The following MMP16 variants were observed in gnomAD, a reference collection of about 807,000 sequenced individuals.
MMP16 encodes matrix metallopeptidase 16.
In MMP16, 12 loss-of-function variants were observed where a neutral mutation model predicts 67.8. The ratio of observed to expected loss-of-function variants is 0.18; its 90% confidence interval spans 0.11 to 0.29. The LOEUF is 0.29. MMP16 is among the 10% of genes least tolerant of loss of function. MMP16 has a pLI of 1.00. For synonymous variants in MMP16, 249 were observed against 255.9 expected (o/e 0.97, Z 0.26); for missense variants, 475 against 765.7 (o/e 0.62, Z 4.48).
intron 6 of MMP16, among the ~76,000 whole-genome samples, chr8:88,081,551 AC>A (rs1808751575): frequency 6.6e-6 from 1 of 152,050 alleles, no homozygotes; most frequent in Non-Finnish European, 1.5e-5. Context: ...GAAGTTCCAT[AC>A]CAGCCTGGGC....
At chr8:88,186,960 T>C (rs1442314498) in intron 2 of MMP16, among the ~76,000 whole-genome samples, 1 of 152,192 alleles carries the variant, frequency 6.6e-6, no homozygotes, top group Non-Finnish European at 1.5e-5. Context: ...GTGCTACTCA[T>C]AAAATGCCAC....
At chr8:88,202,566 C>T (rs1809360092) in intron 1 of MMP16, among the ~76,000 whole-genome samples, 1 of 152,042 alleles carries the variant, frequency 6.6e-6, no homozygotes, top group African/African-American at 2.4e-5. Flanking sequence ...GCCATCTGCT[C>T]AGATTTTACT....
intron 1 of MMP16, among the ~76,000 whole-genome samples, chr8:88,241,187 C>T (rs1190391957): frequency 6.6e-6 from 1 of 151,986 alleles, no homozygotes; most frequent in Non-Finnish European, 1.5e-5. Context: ...CTTCTGTTGC[C>T]TCCAACATGC....
At chr8:88,319,462 C>T (rs907479006) in intron 1 of MMP16, among the ~76,000 whole-genome samples, 2 of 151,434 alleles carry the variant, frequency 1.3e-5, no homozygotes, top group Non-Finnish European at 2.9e-5. Context: ...GCAAGTAGAG[C>T]GTGAGAAAAG....
chr8:88,135,888 G>A (rs1808110892), intron 4 of MMP16, among the ~76,000 whole-genome samples: 2 of 151,608 alleles, frequency 1.3e-5, no homozygotes, highest in Admixed American at 6.6e-5. Flanking sequence ...TGGAACTCTC[G>A]AAGAAAAACC....
intron 8 of MMP16, among the ~76,000 whole-genome samples, chr8:88,047,176 C>T (rs1390262742): frequency 6.6e-6 from 1 of 152,144 alleles, no homozygotes; most frequent in East Asian, 1.9e-4. Flanking sequence ...TTTTAAAAAA[C>T]CTTTCTTAGG....
intron 1 of MMP16, among the ~76,000 whole-genome samples, chr8:88,315,495 A>T (rs1811363039): frequency 6.6e-6 from 1 of 152,232 alleles, no homozygotes; most frequent in African/African-American, 2.4e-5. Context: ...ATTTAAAAAT[A>T]CAGATTCCCA....
Position 88,197,292 on chromosome 8 carries a change from C to A in MMP16, c.147G>T (p.Lys49Asn). The change falls in exon 2 of 10, where the codon AAG becomes AAT. Residue 49 changes from lysine (K) to asparagine (N), a missense_variant. Coordinates refer to ENST00000286614, the MANE Select transcript of MMP16 (RefSeq NM_005941.5). ...GGTCAGTCGGTGGAAGGTAGCCGTA[C>A]TTTTGTAACCAAACCTGCAATAACA... is the stretch of plus-strand genomic sequence containing the variant. ...QYFNVEVWLQ[K>N]YGYLPPTDPR... The A allele has an allele frequency of 6.4e-7, 1 of 1,561,106 alleles. No individual in the cohort carries two copies. Among genetic ancestry groups the A allele is most frequent in the Non-Finnish European group, 8.6e-7 (1 of 1,156,578 alleles).
In MMP16 at chr8:88,239,344, T is replaced by C. The variant is rs1379573479; in HGVS notation, c.133-42038A>G. On this transcript the variant is annotated intron_variant, in intron 1 of 9. Coordinates refer to ENST00000286614, the MANE Select transcript of MMP16 (RefSeq NM_005941.5). The stretch of plus-strand genomic sequence containing the variant: ...ATTTCAAAATCAATTAAAACAGTGT[T>C]TTCACTTTTAAAAAACAGGTTAGTA... Among the ~76,000 whole-genome samples, 6 of 151,026 alleles carry C rather than the reference T, an allele frequency of 4.0e-5. 1 individual carries two copies. Among genetic ancestry groups the C allele is most frequent in the Admixed American group, 3.3e-4 (5 of 15,170 alleles).
intron 1 of MMP16, among the ~76,000 whole-genome samples, chr8:88,221,915 A>T (rs1563566450): frequency 6.6e-6 from 1 of 152,062 alleles, no homozygotes; most frequent in Non-Finnish European, 1.5e-5. Flanking sequence ...CAGTTCATGA[A>T]TTGTCTTCCA....
At chr8:88,057,955 GA>G (rs1482962268) in intron 7 of MMP16, among the ~76,000 whole-genome samples, 1 of 151,962 alleles carries the variant, frequency 6.6e-6, no homozygotes, top group African/African-American at 2.4e-5. Flanking sequence ...AAAAACTACT[GA>G]AGGCTTGAAA....
rs545919114 is a variant in MMP16, at chr8:88,051,615, G to A, written c.1373+4513C>T. 7.6e-4 allele frequency among the ~76,000 whole-genome samples: 115 copies of A among 152,134 alleles called. 1 individual carries two copies. Among genetic ancestry groups the A allele is most frequent in the African/African-American group, 2.6e-3 (107 of 41,526 alleles). ...ATCAGTTTTTGCTGTATTTTTGAAC[G>A]ACTCAAAAACATATACATCAAAAAA... On this transcript the variant is annotated intron_variant, in intron 8 of 9. Transcript: ENST00000286614.
chr8:88,196,563 T>A (rs1809260475), intron 2 of MMP16, among the ~76,000 whole-genome samples: 1 of 152,066 alleles, frequency 6.6e-6, no homozygotes, highest in Non-Finnish European at 1.5e-5. Flanking sequence ...AAAGCAAAAT[T>A]ATTAAAAAAT....
chr8:88,148,627 T>A (rs1808336784), intron 4 of MMP16, among the ~76,000 whole-genome samples: 1 of 152,170 alleles, frequency 6.6e-6, no homozygotes, highest in Admixed American at 6.5e-5. Flanking sequence ...CACTCAAAAC[T>A]CTAGTTTTAG....
chr8:88,054,889 T>C (rs1423210435), intron 8 of MMP16, among the ~76,000 whole-genome samples: 3 of 152,128 alleles, frequency 2.0e-5, no homozygotes, highest in African/African-American at 4.8e-5. Flanking sequence ...TAAGATAATA[T>C]GGCAAACTCA....
chr8:88,276,369 C>A (rs1263814611), intron 1 of MMP16, among the ~76,000 whole-genome samples: 1 of 152,054 alleles, frequency 6.6e-6, no homozygotes, highest in Non-Finnish European at 1.5e-5. Context: ...TCTTTGGTCT[C>A]AAGTATTACT....
chr8:88,153,180 G>A (rs1287808482), intron 4 of MMP16, among the ~76,000 whole-genome samples: 4 of 149,066 alleles, frequency 2.7e-5, no homozygotes, highest in Non-Finnish European at 6.0e-5. Flanking sequence ...ACCTCTTCAA[G>A]GAGAACTACA....
chr8:88,218,746 C>T (rs962507494), intron 1 of MMP16, among the ~76,000 whole-genome samples: 1 of 152,026 alleles, frequency 6.6e-6, no homozygotes, highest in Non-Finnish European at 1.5e-5. Context: ...TGACAAAATG[C>T]CCTTGTGCTT....
At chr8:88,250,501 C>T (rs907571564) in intron 1 of MMP16, among the ~76,000 whole-genome samples, 1 of 152,036 alleles carries the variant, frequency 6.6e-6, no homozygotes, top group Non-Finnish European at 1.5e-5. Context: ...TTCCCTTGAG[C>T]TCAACTTACT....
Sources: gnomAD v4.1 joint callset for allele counts (sites outside exome capture counted in the v4.1 genomes callset) on GRCh38, gnomAD v4.1.1 for gene constraint, MANE v1.5 for transcripts, NCBI Gene and HGNC (gene_info 2026-07-23, HGNC 2026-07-21) for gene names.